CMSS1: variants seen among roughly 807,000 people sequenced by gnomAD.
CMSS1 encodes protein CMSS1.
Under a neutral mutation model 43.5 loss-of-function variants are expected in CMSS1, and 33 were observed. The ratio of observed to expected loss-of-function variants is 0.76; its 90% CI spans 0.57 to 1.01. The LOEUF is 1.01. Ranked by LOEUF, CMSS1 falls within the 50% of genes least tolerant of loss-of-function variation. CMSS1 has a pLI of 0.00. For missense variants in CMSS1, 313 were observed against 326.4 expected (o/e 0.96, Z 0.32); for synonymous variants, 115 against 117.2 (o/e 0.98, Z 0.12).
intron 1 of CMSS1, among the ~76,000 whole-genome samples, chr3:99,976,830 A>T (rs1708986486): frequency 6.6e-6 from 1 of 152,084 alleles, no homozygotes; most frequent in Non-Finnish European, 1.5e-5. Context: ...ATCTCTTCAA[A>T]TATTTCTTCT....
intron 1 of CMSS1, among the ~76,000 whole-genome samples, chr3:100,009,687 A>G (rs1710088144): frequency 1.3e-5 from 2 of 152,254 alleles, no homozygotes; most frequent in Admixed American, 1.3e-4. Context: ...AGGAAATTAC[A>G]GTAGCACATG....
intron 1 of CMSS1, among the ~76,000 whole-genome samples, chr3:99,937,499 G>A (rs1285522258): frequency 6.6e-6 from 1 of 152,236 alleles, no homozygotes; most frequent in African/African-American, 2.4e-5. Context: ...GAATCAAATA[G>A]AACTGGTCTT....
At chr3:99,900,647 A>G (rs534984759) in intron 1 of CMSS1, among the ~76,000 whole-genome samples, 1 of 152,360 alleles carries the variant, frequency 6.6e-6, no homozygotes, top group Admixed American at 6.5e-5. Context: ...CAGAACTTCC[A>G]TAAAGTACCA....
chr3:99,930,828 C>A (rs1348263755), intron 1 of CMSS1: 1 of 1,612,692 alleles, frequency 6.2e-7, no homozygotes, highest in South Asian at 1.1e-5. Flanking sequence ...GAGAGGTCTT[C>A]TGCTTGGTGG....
chr3:99,974,614 G>A (rs1211607910), intron 1 of CMSS1, among the ~76,000 whole-genome samples: 1 of 152,082 alleles, frequency 6.6e-6, no homozygotes, highest in African/African-American at 2.4e-5. Context: ...GGCTGAGGCA[G>A]GAGAATCACT....
chr3:99,957,813 G>A (rs554975315), intron 1 of CMSS1, among the ~76,000 whole-genome samples: 2 of 146,766 alleles, frequency 1.4e-5, no homozygotes, highest in Admixed American at 6.9e-5. Flanking sequence ...TTCACACATA[G>A]CTTGTTTTTA....
chr3:99,867,145 G>C (rs1233737070), intron 1 of CMSS1, among the ~76,000 whole-genome samples: 1 of 152,180 alleles, frequency 6.6e-6, no homozygotes, highest in Non-Finnish European at 1.5e-5. Context: ...AAATATGACA[G>C]TGGTCAACAG....
At chr3:99,948,626 G>A (rs1708083503) in intron 1 of CMSS1, among the ~76,000 whole-genome samples, 1 of 148,122 alleles carries the variant, frequency 6.8e-6, no homozygotes, top group Non-Finnish European at 1.5e-5. Flanking sequence ...AGAGAGAGAG[G>A]AAGGAGGAGG....
chr3:100,101,097 C>G (rs1365474956), intron 1 of CMSS1, among the ~76,000 whole-genome samples: 11 of 152,224 alleles, frequency 7.2e-5, no homozygotes, highest in Non-Finnish European at 1.5e-5. Context: ...CTGGGTGGTA[C>G]ATACTGGAAT....
intron 1 of CMSS1, among the ~76,000 whole-genome samples, chr3:99,962,780 G>A (rs568935730): frequency 6.6e-6 from 1 of 152,306 alleles, no homozygotes; most frequent in East Asian, 1.9e-4. Flanking sequence ...CTAAGTGGGA[G>A]AGCTAGGATT....
intron 1 of CMSS1, among the ~76,000 whole-genome samples, chr3:99,907,128 G>A (rs2107634447): frequency 6.6e-6 from 1 of 152,204 alleles, no homozygotes; most frequent in East Asian, 1.9e-4. Context: ...AGCATATACT[G>A]GAAGCAGCCC....
At chr3:99,852,481 C>G (rs1303604297) in intron 1 of CMSS1, among the ~76,000 whole-genome samples, 1 of 152,022 alleles carries the variant, frequency 6.6e-6, no homozygotes, top group African/African-American at 2.4e-5. Flanking sequence ...GAGTCTCACT[C>G]TGTCGCCAGG....
chr3:100,151,531 C>T (rs958634354), intron 2 of CMSS1, among the ~76,000 whole-genome samples: 1 of 152,032 alleles, frequency 6.6e-6, no homozygotes, highest in African/African-American at 2.4e-5. Flanking sequence ...TTCCCCAGGC[C>T]GAGTGATCCA....
intron 1 of CMSS1, among the ~76,000 whole-genome samples, chr3:99,955,753 T>C (rs571946690): frequency 6.6e-6 from 1 of 152,254 alleles, no homozygotes; most frequent in East Asian, 1.9e-4. Flanking sequence ...AGTATGGTCA[T>C]GTACCTTCCT....
chr3:100,130,433 T>C (rs188985361), intron 1 of CMSS1, among the ~76,000 whole-genome samples: 1 of 152,340 alleles, frequency 6.6e-6, no homozygotes, highest in Non-Finnish European at 1.5e-5. Flanking sequence ...TCATATTATG[T>C]GGCCATCTCA....
chr3:100,145,501 C>T (rs1240174892), intron 1 of CMSS1, among the ~76,000 whole-genome samples: 1 of 151,578 alleles, frequency 6.6e-6, no homozygotes, highest in Non-Finnish European at 1.5e-5. Context: ...ACAGAACCAA[C>T]AGGATTATAT....
chr3:99,841,438 A>G (rs1361785263), intron 1 of CMSS1, among the ~76,000 whole-genome samples: 1 of 152,182 alleles, frequency 6.6e-6, no homozygotes, highest in Non-Finnish European at 1.5e-5. Context: ...ACCTTTCTAA[A>G]AGGTCCTCTC....
chr3:100,167,954 C>A, intron 6 of CMSS1, 114 bp downstream of exon 6: 1 of 607,224 alleles, frequency 1.6e-6, no homozygotes, highest in Non-Finnish European at 2.8e-6. Flanking sequence ...GAGTCCCTGC[C>A]CTCATGGAAT....
Position 100,146,903 on chromosome 3 carries a change from G to C in CMSS1, c.65-70G>C. 3.9e-6 allele frequency: 6 copies of C among 1,542,402 alleles called. No homozygotes were observed. In the South Asian group the frequency reaches 6.1e-5, roughly 16 times the overall value. On this transcript the variant is annotated intron_variant, in intron 1 of 9. Transcript: ENST00000421999. ...GTGAAGAGATAGAACCTTCTAGAAA[G>C]ATGGTACCAAGATTGCACTAGCAAT...
Sources: allele counts gnomAD v4.1 joint callset (sites outside exome capture counted in the v4.1 genomes callset), GRCh38; gene constraint gnomAD v4.1.1; transcripts MANE v1.5; gene names NCBI Gene and HGNC (gene_info 2026-07-23, HGNC 2026-07-21).